The following TDRD7 variants were observed in gnomAD, a reference collection of about 807,000 sequenced individuals.
TDRD7 encodes the protein tudor domain-containing protein 7.
TDRD7 carries 47 observed loss-of-function variants against 109.8 expected under a neutral mutation model. The ratio of observed to expected loss-of-function variants is 0.43; its 90% CI spans 0.34 to 0.55. The LOEUF (loss-of-function observed/expected upper bound fraction) is 0.55. TDRD7 is among the 20% of genes least tolerant of loss of function. TDRD7 has a pLI of 0.03. For synonymous variants in TDRD7, 424 were observed against 457.3 expected, an observed-to-expected ratio of 0.93 and a Z score of 0.93; for missense variants, 1,164 against 1,319.2, an observed-to-expected ratio of 0.88 and a Z score of 1.82.
chr9:97,430,053 A>T (rs1828073522), intron 2 of TDRD7, among the ~76,000 whole-genome samples: 1 of 152,144 alleles, frequency 6.6e-6, no homozygotes, highest in African/African-American at 2.4e-5. Flanking sequence ...AAAGAGTAGG[A>T]ACATATTTTA....
At chr9:97,464,765 A>G in intron 7 of TDRD7, 77 bp from the exon 8 acceptor site, 1 of 1,531,674 alleles carries the variant, frequency 6.5e-7, no homozygotes, top group East Asian at 2.3e-5. Flanking sequence ...GGGAAAAAAG[A>G]AGGACAAAAA....
chr9:97,422,408 C>T (rs968516606), intron 1 of TDRD7, among the ~76,000 whole-genome samples: 6 of 151,650 alleles, frequency 4.0e-5, no homozygotes, highest in Non-Finnish European at 7.4e-5. Context: ...AAAAAAAAAT[C>T]AGTTTACCAT....
intron 6 of TDRD7, among the ~76,000 whole-genome samples, chr9:97,448,405 A>G (rs1022564672): frequency 6.6e-6 from 1 of 152,148 alleles, no homozygotes; most frequent in African/African-American, 2.4e-5. Flanking sequence ...CCATTTCCCT[A>G]TCTCTTTCTC....
At chr9:97,459,251 G>A (rs1312426741) in intron 6 of TDRD7, among the ~76,000 whole-genome samples, 1 of 152,164 alleles carries the variant, frequency 6.6e-6, no homozygotes, top group African/African-American at 2.4e-5. Context: ...CAGCCAGAGA[G>A]AATATGTAAA....
chr9:97,473,448 A>G lies in TDRD7; in HGVS notation c.1945-44A>G, dbSNP rs569335289. ...TACCCTTTAGGTAGGTAAGAGCTGCATTCTGCTCTCAAGCATTCACGAGGT... is the reference window on the plus strand; with the variant it reads ...TACCCTTTAGGTAGGTAAGAGCTGCGTTCTGCTCTCAAGCATTCACGAGGT... On this transcript the variant is annotated intron_variant, in intron 10 of 16. Coordinates refer to ENST00000355295, the MANE Select transcript of TDRD7 (RefSeq NM_014290.3). The G allele has an allele frequency of 1.6e-5, 25 of 1,612,764 alleles. 1 individual carries two copies. In the East Asian group the frequency reaches 1.8e-4, roughly 12 times the overall value.
intron 1 of TDRD7, among the ~76,000 whole-genome samples, chr9:97,424,624 A>G (rs1302160034): frequency 6.6e-6 from 1 of 152,154 alleles, no homozygotes; most frequent in Non-Finnish European, 1.5e-5. Flanking sequence ...ATACAGTCAT[A>G]GTGTTTGCAT....
In TDRD7 at chr9:97,428,753, A is replaced by G. The variant is rs912743577; in HGVS notation, c.207+81A>G. The G allele has an allele frequency of 5.3e-6, 7 of 1,326,942 alleles. No individual in the cohort carries two copies. The African/African-American group carries it at 1.0e-4, about 19-fold the overall frequency. The allele number at this position is 1,326,942 out of a possible 1,614,324, so 82.2% of individuals were successfully genotyped here. A position where few individuals can be genotyped will look rare whatever the true frequency, so the allele number is the denominator to read the frequency against. On this transcript the variant is annotated intron_variant, in intron 2 of 16. Transcript: ENST00000355295. ...TGGCACTTCCAATCTCCTACCTGTGATAGACGTCTAAGTGAAAGTACTAGC... is the reference window on the plus strand; with the variant it reads ...TGGCACTTCCAATCTCCTACCTGTGGTAGACGTCTAAGTGAAAGTACTAGC...
chr9:97,445,668 G>A (rs1016606723), intron 6 of TDRD7, among the ~76,000 whole-genome samples: 1 of 152,202 alleles, frequency 6.6e-6, no homozygotes, highest in Non-Finnish European at 1.5e-5. Context: ...TCAGGAAGCT[G>A]AAAGAAATTC....
chr9:97,460,527 T>C lies in TDRD7; in HGVS notation c.1205T>C (p.Leu402Pro). Reference sequence around the variant, plus strand: ...TCTGGAAATCCCCAGAAGGCCATTCTCTATGCTAAACTTCCATTGCCCACT... The same window carrying C: ...TCTGGAAATCCCCAGAAGGCCATTCCCTATGCTAAACTTCCATTGCCCACT... ...YISGNPQKAI[L>P]YAKLPLPTDK... The change falls in exon 7 of 17, where the codon CTC becomes CCC. Residue 402 changes from leucine to proline, a missense_variant. Leu to Pro is a moderately conservative substitution (Grantham distance 98, BLOSUM62 -3). Coordinates refer to ENST00000355295, the MANE Select transcript of TDRD7 (RefSeq NM_014290.3). 6.2e-7 allele frequency: 1 copy of C among 1,614,214 alleles called. No individual in the cohort carries two copies. Among genetic ancestry groups the C allele is most frequent in the Non-Finnish European group, 8.5e-7 (1 of 1,180,036 alleles).
At chr9:97,436,654 T>A (rs1828205778) in intron 4 of TDRD7, among the ~76,000 whole-genome samples, 1 of 152,218 alleles carries the variant, frequency 6.6e-6, no homozygotes, top group African/African-American at 2.4e-5. Context: ...CAATATTATG[T>A]AATATGTCTT....
At chr9:97,451,812 GAA>G (rs1828497545) in intron 6 of TDRD7, among the ~76,000 whole-genome samples, 1 of 152,224 alleles carries the variant, frequency 6.6e-6, no homozygotes, top group Admixed American at 6.5e-5. Context: ...GATAGTGTCA[GAA>G]TTGAGTTGGT....
intron 1 of TDRD7, among the ~76,000 whole-genome samples, chr9:97,414,823 GAA>G (rs1827786045): frequency 6.6e-6 from 1 of 152,140 alleles, no homozygotes; most frequent in Non-Finnish European, 1.5e-5. Flanking sequence ...TGATTAGAAA[GAA>G]AAGAGCATTT....
rs1197209766 is a variant in TDRD7 at position 97,412,995 on chromosome 9, C to G, written c.-7+757C>G. 1.3e-5 allele frequency among the ~76,000 whole-genome samples: 2 copies of G among 152,118 alleles called. No homozygotes were observed. Among genetic ancestry groups the G allele is most frequent in the Non-Finnish European group, 2.9e-5 (2 of 68,018 alleles). On this transcript the variant is annotated intron_variant, in intron 1 of 16. Transcript: ENST00000355295. This position sits in a 1 kb window ranked among gnomAD's most constrained non-coding sequence, Gnocchi z 4.3. ...CATTAATAGCTAAAGGTACCATTCT[C>G]AAATAATTTCTAAGAGCAGGGAAGG...
chr9:97,422,017 T>C (rs2118236649), intron 1 of TDRD7, among the ~76,000 whole-genome samples: 1 of 152,292 alleles, frequency 6.6e-6, no homozygotes, highest in Non-Finnish European at 1.5e-5. Context: ...AATATGAAGT[T>C]CATTATTTGC....
intron 6 of TDRD7, among the ~76,000 whole-genome samples, chr9:97,454,867 C>G (rs1023866774): frequency 2.0e-5 from 3 of 151,768 alleles, no homozygotes; most frequent in African/African-American, 7.3e-5. Flanking sequence ...CAGGAAAAAC[C>G]CTCCAAAAAA....
At chr9:97,465,669 A>G (rs1313569354) in intron 8 of TDRD7, among the ~76,000 whole-genome samples, 1 of 152,050 alleles carries the variant, frequency 6.6e-6, no homozygotes, top group Admixed American at 6.5e-5. Flanking sequence ...ACATGCAGAG[A>G]AATTAGGTAT....
chr9:97,472,503 T>C lies in TDRD7; in HGVS notation c.1944+8T>C. ...CTAGAGGTTCACCTGCAGGTACCAC[T>C]GTGATCACTGTTGTTGCTTGTTACA... On this transcript the variant is annotated splice_region_variant and intron_variant, in intron 10 of 16. Transcript: ENST00000355295. 2 of 1,606,848 alleles carry C rather than the reference T, an allele frequency of 1.2e-6. No individual in the cohort carries two copies. Among genetic ancestry groups the C allele is most frequent in the Non-Finnish European group, 1.7e-6 (2 of 1,173,636 alleles).
At chr9:97,476,123 G>A (rs530470755) in intron 12 of TDRD7, among the ~76,000 whole-genome samples, 7 of 152,088 alleles carry the variant, frequency 4.6e-5, no homozygotes, top group African/African-American at 1.7e-4. Context: ...AATTTTACTA[G>A]ATCTTGCTTA....
Position 97,496,012 on chromosome 9 carries a change from A to G in TDRD7, c.*129A>G, listed in dbSNP as rs1829392590. The stretch of plus-strand genomic sequence containing the variant: ...GTGGGGGATTGAAAAGAATATGCTT[A>G]TGTTTGATGAAAGATATTTAACAAG... On this transcript the variant is annotated 3_prime_UTR_variant, in exon 17 of 17. Transcript: ENST00000355295. 2 of 741,208 alleles carry G rather than the reference A, an allele frequency of 2.7e-6. No homozygotes were observed. The highest frequency in any genetic ancestry group is 4.6e-6 in the Non-Finnish European group (2 of 432,524). 45.9% of individuals were successfully genotyped at this position (741,208 alleles called of 1,614,324 possible).
Sources: allele counts gnomAD v4.1 joint callset (sites outside exome capture counted in the v4.1 genomes callset), GRCh38; gene constraint gnomAD v4.1.1; non-coding constraint Gnocchi (gnomAD v3.1); transcripts MANE v1.5; gene names NCBI Gene and HGNC (gene_info 2026-07-23, HGNC 2026-07-21).